DNAJB6: variants seen among roughly 807,000 people sequenced by gnomAD.
DNAJB6 encodes DnaJ heat shock protein family (Hsp40) member B6.
DNAJB6 carries 16 observed loss-of-function variants against 42.7 expected under a neutral mutation model. That is an observed-to-expected ratio of 0.37 (90% CI 0.25 to 0.57). The LOEUF (loss-of-function observed/expected upper bound fraction) is 0.57, where lower values mean the gene tolerates loss of function less well. DNAJB6 is among the 20% of genes least tolerant of loss of function. The pLI is 0.74. For missense variants in DNAJB6, 347 were observed against 416.8 expected, an observed-to-expected ratio of 0.83 and a Z score of 1.46; for synonymous variants, 170 against 163.5, an observed-to-expected ratio of 1.04 and a Z score of -0.30.
At chr7:157,399,721 A>C (rs971732807) in intron 8 of DNAJB6, among the ~76,000 whole-genome samples, 9 of 151,554 alleles carry the variant, frequency 5.9e-5, no homozygotes, top group Non-Finnish European at 1.2e-4. Flanking sequence ...CAAGCTGGAG[A>C]GCAATGGCAC....
chr7:157,363,903 G>GTAAA (rs1799725592), intron 3 of DNAJB6, among the ~76,000 whole-genome samples: 3 of 152,198 alleles, frequency 2.0e-5, no homozygotes, highest in African/African-American at 7.2e-5. Context: ...GCTGTGCATG[G>GTAAA]GGCCTGGGGT....
At chr7:157,397,891 C>G (rs117673702) in intron 8 of DNAJB6, among the ~76,000 whole-genome samples, 2,707 of 152,364 alleles carry the variant, frequency 0.018, 77 homozygotes, top group East Asian at 0.061. Flanking sequence ...TGGCCCACGC[C>G]TGTAATCCCA....
rs1298125108 is a variant in DNAJB6, at chr7:157,385,154, T to A, written c.620+146T>A. ...AAAATCTTTTGCTCTCCAAATTCAT[T>A]AATTAAAGCCTTTTCTCTTAAATTT... On this transcript the variant is annotated intron_variant, in intron 7 of 9. Transcript: ENST00000262177. The A allele has an allele frequency of 6.1e-6, 5 of 825,152 alleles. No homozygotes were observed. The East Asian group carries it at 1.1e-4, about 18-fold the overall frequency. 51.1% of individuals were successfully genotyped at this position (825,152 alleles called of 1,614,324 possible).
chr7:157,393,345 A>G (rs1470688605), intron 8 of DNAJB6, among the ~76,000 whole-genome samples: 1 of 152,096 alleles, frequency 6.6e-6, no homozygotes, highest in Non-Finnish European at 1.5e-5. Flanking sequence ...AAATTTTCTA[A>G]TTTTTACCCT....
chr7:157,373,203 CTAATT>C lies in DNAJB6; in HGVS notation c.346+5725_346+5729del, dbSNP rs1353256525. Among the ~76,000 whole-genome samples, 96 of 152,200 alleles carry C rather than the reference CTAATT, an allele frequency of 6.3e-4. 1 individual carries two copies. Among genetic ancestry groups the C allele is most frequent in the South Asian group, 2.1e-4 (1 of 4,832 alleles). On this transcript the variant is annotated intron_variant, in intron 5 of 9. Coordinates refer to ENST00000262177, the MANE Select transcript of DNAJB6 (RefSeq NM_058246.4). ...TTCACAGGTACTGGGGATTAGGACT[CTAATT>C]TAATCTTTTTTGGGGACCATGATTC...
At chr7:157,358,156 C>A (rs772492827) in intron 1 of DNAJB6, among the ~76,000 whole-genome samples, 1 of 152,184 alleles carries the variant, frequency 6.6e-6, no homozygotes, top group Non-Finnish European at 1.5e-5. Context: ...TGCCCGATGC[C>A]TGGCACAGGA....
At chr7:157,392,114 A>AG (rs1554465602) in intron 8 of DNAJB6, among the ~76,000 whole-genome samples, 4 of 151,832 alleles carry the variant, frequency 2.6e-5, no homozygotes, top group African/African-American at 9.7e-5. Flanking sequence ...AAAAAAAAAA[A>AG]AAAGGATAGT....
chr7:157,356,441 T>G (rs889386044), intron 1 of DNAJB6, among the ~76,000 whole-genome samples: 3 of 152,216 alleles, frequency 2.0e-5, no homozygotes, highest in Non-Finnish European at 2.9e-5. Context: ...GGGAGTCGAC[T>G]CCTGTCTTTT....
chr7:157,362,126 A>G (rs534640936), intron 2 of DNAJB6, among the ~76,000 whole-genome samples: 39 of 152,286 alleles, frequency 2.6e-4, no homozygotes, highest in Non-Finnish European at 5.1e-4. Flanking sequence ...GCAACAGAAT[A>G]TGACCTTGGT....
chr7:157,339,784 C>T (rs1392215291), intron 1 of DNAJB6: 1 of 152,276 alleles, frequency 6.6e-6, no homozygotes, highest in Non-Finnish European at 1.5e-5. Flanking sequence ...CGCCACCACG[C>T]CCAGCTAATT....
chr7:157,383,603 ATGTGTGTTTGTGTGTGTG>A (rs1301398321), intron 6 of DNAJB6, among the ~76,000 whole-genome samples: 2 of 93,888 alleles, frequency 2.1e-5, no homozygotes, highest in Non-Finnish European at 4.3e-5. Context: ...TGGCTCCTGT[ATGTGTGTTTGTGTGTGTG>A]TGTGTGTGTG....
In DNAJB6 at chr7:157,389,894, G is replaced by T. The variant is rs868662212; in HGVS notation, c.691+4283G>T. 2.0e-5 allele frequency among the ~76,000 whole-genome samples: 3 copies of T among 152,322 alleles called. No homozygotes were observed. In the South Asian group the frequency reaches 6.2e-4, roughly 32 times the overall value. On this transcript the variant is annotated intron_variant, in intron 8 of 9. Coordinates refer to ENST00000262177, the MANE Select transcript of DNAJB6 (RefSeq NM_058246.4). ...CGGTCTTACCTAACTGTTCACTAAG[G>T]ACTCGACTCTGAGCTTTGTGGCCTG...
chr7:157,388,181 G>T (rs1344231167), intron 8 of DNAJB6, among the ~76,000 whole-genome samples: 1 of 152,210 alleles, frequency 6.6e-6, no homozygotes, highest in African/African-American at 2.4e-5. Flanking sequence ...TCCATTGATA[G>T]AAGTGTAATT....
intron 8 of DNAJB6, among the ~76,000 whole-genome samples, chr7:157,389,204 C>T (rs1458640260): frequency 6.6e-6 from 1 of 152,184 alleles, no homozygotes; most frequent in East Asian, 1.9e-4. Context: ...AAAATGCCTG[C>T]TTATCCTGTC....
At chr7:157,348,105 T>C (rs1274766328) in intron 1 of DNAJB6, among the ~76,000 whole-genome samples, 1 of 147,850 alleles carries the variant, frequency 6.8e-6, no homozygotes, top group South Asian at 2.2e-4. Flanking sequence ...CTTATTTTAT[T>C]TTTTTGAGAT....
At chr7:157,377,955 G>T (rs753625673) in intron 5 of DNAJB6, among the ~76,000 whole-genome samples, 5 of 152,176 alleles carry the variant, frequency 3.3e-5, no homozygotes, top group Admixed American at 1.3e-4. Flanking sequence ...CGCAGGTCAC[G>T]TTCTCCTGTG....
chr7:157,405,372 C>T (rs1180511986), intron 8 of DNAJB6, among the ~76,000 whole-genome samples: 1 of 152,124 alleles, frequency 6.6e-6, no homozygotes, highest in African/African-American at 2.4e-5. Flanking sequence ...CTGGCTTGTT[C>T]CGTCCTGGGA....
chr7:157,366,338 G>A lies in DNAJB6; in HGVS notation c.176-164G>A, dbSNP rs75947113. 0.012 allele frequency among the ~76,000 whole-genome samples: 1,847 copies of A among 152,262 alleles called. 13 individuals are homozygous for A. Among genetic ancestry groups the A allele is most frequent in the Non-Finnish European group, 0.02 (1,352 of 68,018 alleles). ...GTTTTTCAGGAGAGAGGTACAGAAA[G>A]TTTTCCCTGTTGCTTTGTTTTGTTT... On this transcript the variant is annotated intron_variant, in intron 3 of 9. Coordinates refer to ENST00000262177, the MANE Select transcript of DNAJB6 (RefSeq NM_058246.4).
intron 1 of DNAJB6, among the ~76,000 whole-genome samples, chr7:157,341,058 G>A (rs1235651441): frequency 2.0e-5 from 3 of 151,976 alleles, no homozygotes; most frequent in African/African-American, 7.3e-5. Context: ...CTGGCCTCAA[G>A]TGAGTCTTTC....
Sources: allele counts gnomAD v4.1 joint callset (sites outside exome capture counted in the v4.1 genomes callset), GRCh38; gene constraint gnomAD v4.1.1; transcripts MANE v1.5; gene names NCBI Gene and HGNC (gene_info 2026-07-23, HGNC 2026-07-21).